SLC47A1: variants seen among roughly 807,000 people sequenced by gnomAD.
SLC47A1 encodes the protein multidrug and toxin extrusion protein 1.
A neutral mutation model predicts 65.8 loss-of-function variants in SLC47A1; 58 were observed. That is an observed-to-expected ratio of 0.88 (90% CI 0.71 to 1.10). The LOEUF (loss-of-function observed/expected upper bound fraction) is 1.10, where lower values mean the gene tolerates loss of function less well. Among genes scored for constraint, SLC47A1 ranks in the 50% least tolerant of loss-of-function variants. SLC47A1 has a pLI of 0.00. For missense variants in SLC47A1, 706 were observed against 719.2 expected (o/e 0.98, Z 0.21); for synonymous variants, 285 against 295.0 (o/e 0.97, Z 0.35).
At chr17:19,555,753 C>A (rs1252296790) in intron 8 of SLC47A1, 43 bp from the exon 9 acceptor site, 1 of 1,613,144 alleles carries the variant, frequency 6.2e-7, no homozygotes, top group East Asian at 2.2e-5. Context: ...GAGTTCCAGC[C>A]CGATGGCCAG....
chr17:19,559,884 T>C (rs922389730), intron 10 of SLC47A1, among the ~76,000 whole-genome samples: 13 of 150,738 alleles, frequency 8.6e-5, no homozygotes, highest in Non-Finnish European at 1.6e-4. Context: ...AAACCTGGGC[T>C]CCTGGTGAGT....
At chr17:19,552,202 C>G (rs1052700751) in intron 6 of SLC47A1, among the ~76,000 whole-genome samples, 1 of 152,120 alleles carries the variant, frequency 6.6e-6, no homozygotes, top group Non-Finnish European at 1.5e-5. Flanking sequence ...AGATATTCCT[C>G]TATTAGAACA....
In SLC47A1 at chr17:19,551,473, T is replaced by G. The variant is rs1916446472; in HGVS notation, c.543+5T>G. 6.2e-7 allele frequency: 1 copy of G among 1,609,072 alleles called. No homozygotes were observed. The highest frequency in any genetic ancestry group is 8.5e-7 in the Non-Finnish European group (1 of 1,175,510). On this transcript the variant is annotated splice_donor_5th_base_variant and intron_variant, in intron 6 of 16. Coordinates refer to ENST00000270570, the MANE Select transcript of SLC47A1 (RefSeq NM_018242.3). ...GTTAAATATTTGCTCAACCAGGTAA[T>G]ACTGACTGTTCTCTTCCTTTGGGAG...
At chr17:19,575,816 A>G (rs1166809525) in intron 16 of SLC47A1, among the ~76,000 whole-genome samples, 1 of 152,206 alleles carries the variant, frequency 6.6e-6, no homozygotes, top group Non-Finnish European at 1.5e-5. Context: ...GGTTCACTGA[A>G]AAATCAACTT....
At chr17:19,549,343 T>C (rs2453573) in intron 4 of SLC47A1, among the ~76,000 whole-genome samples, 30,738 of 151,816 alleles carry the variant, frequency 0.2, 3,236 homozygotes, top group East Asian at 0.4. Context: ...GGATTACAGG[T>C]GGCCGCCACC....
At chr17:19,535,172 C>G (rs553411537) in intron 1 of SLC47A1, 1 of 152,516 alleles carries the variant, frequency 6.6e-6, no homozygotes, top group African/African-American at 2.4e-5. Context: ...CGGTGGTTCA[C>G]GCCTGTAATC....
intron 2 of SLC47A1, 133 bp downstream of exon 2, chr17:19,542,627 G>A (rs1916178983): frequency 3.0e-6 from 2 of 657,328 alleles, no homozygotes; most frequent in African/African-American, 1.8e-5. Flanking sequence ...GAGTGCAGAA[G>A]TCTGAAGTGG....
At chr17:19,545,417 C>T (rs770716194) in intron 2 of SLC47A1, among the ~76,000 whole-genome samples, 6 of 152,110 alleles carry the variant, frequency 3.9e-5, no homozygotes, top group South Asian at 2.1e-4. Flanking sequence ...TGGTCTCAAA[C>T]GCCTGACCTC....
At chr17:19,552,152 A>G (rs73981543) in intron 6 of SLC47A1, among the ~76,000 whole-genome samples, 2,619 of 152,326 alleles carry the variant, frequency 0.017, 77 homozygotes, top group African/African-American at 0.056. Context: ...GGGAGGAGGA[A>G]GAAAGGAAGT....
rs374613341 is a variant in SLC47A1, at chr17:19,555,304, G to A, written c.636G>A (p.Gly212=). Residue 212 remains glycine, a synonymous_variant, in exon 7 of 17, where the codon GGG becomes GGA. Coordinates refer to ENST00000270570, the MANE Select transcript of SLC47A1 (RefSeq NM_018242.3). ...TGTTTCTCCATCAACTGCATCTTGG[G>A]GTGATGTGAGTCCAACATACTCTTG... ...NYLFLHQLHL[G]VIGSALANLI... 20 of 1,614,042 alleles carry A rather than the reference G, an allele frequency of 1.2e-5. No homozygotes were observed. In the South Asian group the frequency reaches 2.1e-4, roughly 17 times the overall value.
intron 15 of SLC47A1, among the ~76,000 whole-genome samples, chr17:19,572,128 G>A (rs2084404392): frequency 6.6e-6 from 1 of 152,146 alleles, no homozygotes; most frequent in African/African-American, 2.4e-5. Flanking sequence ...CAGCCTGAGT[G>A]ATGGAGCGAG....
chr17:19,538,018 T>C (rs1017760341), intron 1 of SLC47A1, among the ~76,000 whole-genome samples: 2 of 152,238 alleles, frequency 1.3e-5, no homozygotes, highest in African/African-American at 2.4e-5. Context: ...AGCTGTGTTA[T>C]TTATTGCGTT....
chr17:19,555,684 T>G lies in SLC47A1; in HGVS notation c.733T>G (p.Trp245Gly). ...CGGGAAAAAACTGCATCAAGCTACA[T>G]GGGGAGGTAATGACTGCCCTTTTGT... The part of the protein sequence containing the change: ...ILGKKLHQAT[W>G]GGWSLECLQD... Residue 245 changes from tryptophan (W) to glycine (G), a missense_variant, in exon 8 of 17, where the codon TGG becomes GGG. Trp to Gly is a radical substitution (Grantham distance 184). Coordinates refer to ENST00000270570, the MANE Select transcript of SLC47A1 (RefSeq NM_018242.3). The G allele has an allele frequency of 6.2e-7, 1 of 1,614,190 alleles. No individual in the cohort carries two copies. Among genetic ancestry groups the G allele is most frequent in the Non-Finnish European group, 8.5e-7 (1 of 1,180,028 alleles).
rs1430999923 is a variant in SLC47A1, at chr17:19,533,933, G to A, written c.-7G>A. ...TCCGCGCTACCCGGCCGCAGCGCGC[G>A]AGTCACATGGAAGCTCCTGAGGAGC... On this transcript the variant is annotated 5_prime_UTR_variant, in exon 1 of 17. Transcript: ENST00000270570. The A allele has an allele frequency of 2.7e-6, 4 of 1,494,128 alleles. No individual in the cohort carries two copies. The highest frequency in any genetic ancestry group is 3.6e-6 in the Non-Finnish European group (4 of 1,125,414). 92.6% of individuals were successfully genotyped at this position (1,494,128 alleles called of 1,614,324 possible).
chr17:19,574,815 T>A (rs531702473), intron 16 of SLC47A1, among the ~76,000 whole-genome samples: 11 of 152,328 alleles, frequency 7.2e-5, no homozygotes, highest in African/African-American at 1.7e-4. Flanking sequence ...TTTGTATTTT[T>A]AGCAGAGACG....
rs1415841554 is a variant in SLC47A1 at position 19,560,398 on chromosome 17, T to C, written c.1031-20T>C. 2.5e-6 allele frequency: 4 copies of C among 1,614,042 alleles called. No homozygotes were observed. Among genetic ancestry groups the C allele is most frequent in the Non-Finnish European group, 3.4e-6 (4 of 1,179,980 alleles). On this transcript the variant is annotated intron_variant, in intron 11 of 16. Coordinates refer to ENST00000270570, the MANE Select transcript of SLC47A1 (RefSeq NM_018242.3). ...TCTTCTTGTTCACTGTGTTGTTTCT[T>C]CTGCCGTTTTTACCTTCAGTGCTCT...
chr17:19,575,171 A>T (rs2084429980), intron 16 of SLC47A1, among the ~76,000 whole-genome samples: 1 of 151,080 alleles, frequency 6.6e-6, no homozygotes, highest in South Asian at 2.1e-4. Context: ...CCTGGGCTCA[A>T]GCAACCTGCC....
chr17:19,556,713 C>T (rs1916624809), intron 10 of SLC47A1, among the ~76,000 whole-genome samples: 2 of 152,048 alleles, frequency 1.3e-5, no homozygotes, highest in Non-Finnish European at 2.9e-5. Context: ...TGCCTGCCAC[C>T]ACGCCCAGCT....
chr17:19,561,459 C>A (rs1006053676), intron 12 of SLC47A1, among the ~76,000 whole-genome samples: 1 of 151,454 alleles, frequency 6.6e-6, no homozygotes, highest in Non-Finnish European at 1.5e-5. Context: ...CTGGCTAACA[C>A]GGTGAAACCC....
Sources: allele counts gnomAD v4.1 joint callset (sites outside exome capture counted in the v4.1 genomes callset), GRCh38; gene constraint gnomAD v4.1.1; transcripts MANE v1.5; gene names NCBI Gene and HGNC (gene_info 2026-07-23, HGNC 2026-07-21).